Variants in GRID2IP observed in about 807,000 individuals in gnomAD.
The protein encoded by GRID2IP is delphilin.
In GRID2IP, 78 loss-of-function variants were observed where a neutral mutation model predicts 114.3. The observed-to-expected ratio is 0.68, with a 90% confidence interval of 0.57 to 0.82. The LOEUF is 0.82. GRID2IP is among the 40% of genes least tolerant of loss of function. GRID2IP has a pLI of 0.00. For synonymous variants in GRID2IP, 809 were observed against 724.0 expected (o/e 1.12, Z -1.89); for missense variants, 1,727 against 1,678.5 (o/e 1.03, Z -0.51).
chr7:6,508,823 G>C lies in GRID2IP; in HGVS notation c.2127+135C>G. 1 of 1,360,962 alleles carries C rather than the reference G, an allele frequency of 7.3e-7. No homozygotes were observed. Among genetic ancestry groups the C allele is most frequent in the Non-Finnish European group, 9.7e-7 (1 of 1,027,058 alleles). 84.3% of individuals were successfully genotyped at this position (1,360,962 alleles called of 1,614,324 possible). On this transcript the variant is annotated intron_variant, in intron 12 of 21. Transcript: ENST00000457091. This position sits in a 1 kb window ranked among gnomAD's most constrained non-coding sequence, Gnocchi z 5.6. ...CCTGGGGCAAGGGGTGGGATAGCTT[G>C]AGCTAGGGAGTGGGATAGCCTGGGG...
Position 6,507,501 on chromosome 7 carries a change from G to C in GRID2IP, c.2544+484C>G, listed in dbSNP as rs1786630986. The stretch of plus-strand genomic sequence containing the variant: ...AAACAGGGCATGGGAATCCTGGGGA[G>C]ACAAGATTTCAGAGCAAGACAAAGG... On this transcript the variant is annotated intron_variant, in intron 13 of 21. Coordinates refer to ENST00000457091, the MANE Select transcript of GRID2IP (RefSeq NM_001145118.2). The surrounding 1 kb of genome is among the most constrained non-coding windows in gnomAD (Gnocchi z 5.3). 6.6e-6 allele frequency among the ~76,000 whole-genome samples: 1 copy of C among 152,200 alleles called. No homozygotes were observed. Among genetic ancestry groups the C allele is most frequent in the Non-Finnish European group, 1.5e-5 (1 of 68,040 alleles).
chr7:6,519,698 G>A lies in GRID2IP; in HGVS notation c.1268+880C>T, dbSNP rs1007449166. ...CTTGAGTCCGGGAGGTGGGGGTTGC[G>A]GTGAGCCGAGATCGCACCACTGCAC... On this transcript the variant is annotated intron_variant, in intron 7 of 21. Transcript: ENST00000457091. This position sits in a 1 kb window ranked among gnomAD's most constrained non-coding sequence, Gnocchi z 4.1. 2.6e-5 allele frequency among the ~76,000 whole-genome samples: 4 copies of A among 151,698 alleles called. No homozygotes were observed. Among genetic ancestry groups the A allele is most frequent in the Non-Finnish European group, 4.4e-5 (3 of 67,942 alleles).
intron 2 of GRID2IP, chr7:6,531,014 G>A (rs1249858298): frequency 1.9e-5 from 12 of 639,548 alleles, no homozygotes; most frequent in Admixed American, 2.5e-5. Flanking sequence ...AGGCGGATCC[G>A]TGGCGCAGAG....
chr7:6,530,121 G>T (rs1272746229), intron 2 of GRID2IP, among the ~76,000 whole-genome samples: 4 of 151,738 alleles, frequency 2.6e-5, no homozygotes, highest in Non-Finnish European at 4.4e-5. Flanking sequence ...TTCACACCCG[G>T]CTAATTTTTT....
rs979335256 is a variant in GRID2IP, at chr7:6,503,545, C to T, written c.2853G>A (p.Gln951=). 6 of 1,528,616 alleles carry T rather than the reference C, an allele frequency of 3.9e-6. No individual in the cohort carries two copies. Among genetic ancestry groups the T allele is most frequent in the Admixed American group, 3.9e-5 (2 of 50,640 alleles). The allele number at this position is 1,528,616 out of a possible 1,614,324, so 94.7% of individuals were successfully genotyped here. A position where few individuals can be genotyped will look rare whatever the true frequency, so the allele number is the denominator to read the frequency against. Residue 951 remains glutamine, a synonymous_variant, in exon 16 of 22, where the codon CAG becomes CAA. Transcript: ENST00000457091. The part of the protein sequence containing the change: ...APDADEEQRY[Q]AFREAPGRLS... ...GGCGGCCGGGCGCCTCGCGGAAGGCCTGGTAGCGCTGCTCCTCGTCGGCGT... is the reference window on the plus strand; with the variant it reads ...GGCGGCCGGGCGCCTCGCGGAAGGCTTGGTAGCGCTGCTCCTCGTCGGCGT...
At chr7:6,543,911 C>G (rs1263971772) in intron 1 of GRID2IP, among the ~76,000 whole-genome samples, 1 of 152,098 alleles carries the variant, frequency 6.6e-6, no homozygotes, top group Non-Finnish European at 1.5e-5. Context: ...GTTCTCCTGA[C>G]TCAGCCTCCC....
chr7:6,545,579 C>T (rs957114825), intron 1 of GRID2IP, among the ~76,000 whole-genome samples: 10 of 152,186 alleles, frequency 6.6e-5, no homozygotes, highest in African/African-American at 2.4e-4. Flanking sequence ...CGAGGGTTTC[C>T]AGTCAGAGGC....
At chr7:6,533,703 G>T (rs1239107064) in intron 2 of GRID2IP, among the ~76,000 whole-genome samples, 2 of 148,000 alleles carry the variant, frequency 1.4e-5, no homozygotes, top group African/African-American at 5.0e-5. Flanking sequence ...AAGAGATGGG[G>T]TCTTGCTGTG....
intron 1 of GRID2IP, among the ~76,000 whole-genome samples, chr7:6,542,234 G>C (rs939107603): frequency 3.4e-5 from 5 of 146,364 alleles, no homozygotes; most frequent in African/African-American, 1.3e-4. Context: ...GAACCCAGGA[G>C]TCGGAGGTTG....
At chr7:6,544,481 A>G (rs1779857001) in intron 1 of GRID2IP, among the ~76,000 whole-genome samples, 1 of 150,964 alleles carries the variant, frequency 6.6e-6, no homozygotes, top group Non-Finnish European at 1.5e-5. Flanking sequence ...GGGTTTCTCC[A>G]TGTTGGCCAG....
chr7:6,514,976 AAGAGAG>A (rs1032566736), intron 7 of GRID2IP, among the ~76,000 whole-genome samples: 1 of 149,926 alleles, frequency 6.7e-6, no homozygotes, highest in Non-Finnish European at 1.5e-5. Flanking sequence ...AGAAAAGAAA[AAGAGAG>A]AGAGAGAGAA....
Position 6,526,517 on chromosome 7 carries a change from G to A in GRID2IP, c.833+4C>T, listed in dbSNP as rs910039954. On this transcript the variant is annotated splice_donor_region_variant and intron_variant, in intron 3 of 21. Transcript: ENST00000457091. The surrounding 1 kb of genome is among the most constrained non-coding windows in gnomAD (Gnocchi z 7.6). ...CGCTGCCAGTGCCTGTGAGCCCCGCGTACCTGCGCGCGCCCCCGGGGCCGG... is the reference window on the plus strand; with the variant it reads ...CGCTGCCAGTGCCTGTGAGCCCCGCATACCTGCGCGCGCCCCCGGGGCCGG... 2.4e-5 allele frequency: 30 copies of A among 1,261,934 alleles called. No individual in the cohort carries two copies. In the African/African-American group the frequency reaches 3.9e-4, roughly 16 times the overall value. 78.2% of individuals were successfully genotyped at this position (1,261,934 alleles called of 1,614,324 possible).
At chr7:6,517,858 A>G (rs1217075562) in intron 7 of GRID2IP, among the ~76,000 whole-genome samples, 1 of 151,984 alleles carries the variant, frequency 6.6e-6, no homozygotes, top group Non-Finnish European at 1.5e-5. Flanking sequence ...AGCCAAGATC[A>G]TGCCACTGAA....
intron 1 of GRID2IP, among the ~76,000 whole-genome samples, chr7:6,544,165 GT>G (rs1779851353): frequency 6.6e-6 from 1 of 152,146 alleles, no homozygotes; most frequent in Non-Finnish European, 1.5e-5. Flanking sequence ...CTGCAGTAAT[GT>G]TAGGTGTGTG....
rs1322514049 is a variant in GRID2IP at position 6,532,256 on chromosome 7, G to C, written c.585-5487C>G. Among the ~76,000 whole-genome samples the C allele has an allele frequency of 6.6e-6, 1 of 152,116 alleles. No homozygotes were observed. Among genetic ancestry groups the C allele is most frequent in the Non-Finnish European group, 1.5e-5 (1 of 68,004 alleles). On this transcript the variant is annotated intron_variant, in intron 2 of 21. Coordinates refer to ENST00000457091, the MANE Select transcript of GRID2IP (RefSeq NM_001145118.2). This position sits in a 1 kb window ranked among gnomAD's most constrained non-coding sequence, Gnocchi z 4.4. ...GGTAACCAGTTCAAGGCACATCCTG[G>C]GGAGGGGCTCTTCAGGGGCACCCCC...
Position 6,509,149 on chromosome 7 carries a change from C to A in GRID2IP, c.1936G>T (p.Gly646Trp). ...GGGGGGCTGTCGGGGCAGATGGGCC[C>A]GGGGCCTGGCTGTGGGGAGGGTGCC... ...SRAPSPQPGP[G>W]PICPDSPPSP... The change falls in exon 12 of 22, where the codon GGG (glycine) becomes TGG (tryptophan). Residue 646 changes from glycine (G) to tryptophan (W), a missense_variant. Physicochemically the swap from Gly to Trp is radical, Grantham distance 184. Coordinates refer to ENST00000457091, the MANE Select transcript of GRID2IP (RefSeq NM_001145118.2). This position sits in a 1 kb window ranked among gnomAD's most constrained non-coding sequence, Gnocchi z 4.9. 6.8e-7 allele frequency: 1 copy of A among 1,468,208 alleles called. No homozygotes were observed. The allele number at this position is 1,468,208 out of a possible 1,614,324, so 90.9% of individuals were successfully genotyped here.
Position 6,526,437 on chromosome 7 carries a change from G to GC in GRID2IP, c.833+83dup, listed in dbSNP as rs1779511664. The GC allele has an allele frequency of 1.3e-6, 2 of 1,481,770 alleles. No homozygotes were observed. Among genetic ancestry groups the GC allele is most frequent in the Admixed American group, 4.2e-5 (2 of 47,638 alleles). The allele number at this position is 1,481,770 out of a possible 1,614,324, so 91.8% of individuals were successfully genotyped here. A position where few individuals can be genotyped will look rare whatever the true frequency, so the allele number is the denominator to read the frequency against. On this transcript the variant is annotated intron_variant, in intron 3 of 21. Coordinates refer to ENST00000457091, the MANE Select transcript of GRID2IP (RefSeq NM_001145118.2). The surrounding 1 kb of genome is among the most constrained non-coding windows in gnomAD (Gnocchi z 7.6). ...CTATGCACCCCAGATGCCCAGCCCC[G>GC]CCCCTACGCCCTCTCCCCGGGTCTC...
At chr7:6,542,498 T>A (rs1779829013) in intron 1 of GRID2IP, among the ~76,000 whole-genome samples, 2 of 151,524 alleles carry the variant, frequency 1.3e-5, no homozygotes, top group Admixed American at 1.3e-4. Context: ...TACAAACAAA[T>A]TTTTTTTAAA....
chr7:6,513,861 T>A (rs1429117272), intron 8 of GRID2IP, among the ~76,000 whole-genome samples: 1 of 144,318 alleles, frequency 6.9e-6, no homozygotes, highest in African/African-American at 2.6e-5. Context: ...AGTGGGAGGA[T>A]CACTTGAGCC....
Sources: gnomAD v4.1 joint callset for allele counts (sites outside exome capture counted in the v4.1 genomes callset) on GRCh38, gnomAD v4.1.1 for gene constraint, Gnocchi (gnomAD v3.1) non-coding constraint, MANE v1.5 for transcripts, NCBI Gene and HGNC (gene_info 2026-07-23, HGNC 2026-07-21) for gene names.